MAP4: variants seen among roughly 807,000 people sequenced by gnomAD.
MAP4 encodes the protein microtubule associated protein 4.
Under a neutral mutation model 170.2 loss-of-function variants are expected in MAP4, and 76 were observed. The ratio of observed to expected loss-of-function variants is 0.45; its 90% CI spans 0.37 to 0.54. The LOEUF is 0.54. Among genes scored for constraint, MAP4 ranks in the 20% least tolerant of loss-of-function variants. The pLI, the probability that MAP4 is intolerant of heterozygous loss-of-function variation, is 0.00. For missense variants in MAP4, 2,506 were observed against 2,748.0 expected, an observed-to-expected ratio of 0.91 and a Z score of 1.97; for synonymous variants, 909 against 994.5, an observed-to-expected ratio of 0.91 and a Z score of 1.62.
At chr3:47,865,726 G>A (rs1304585106) in intron 17 of MAP4, among the ~76,000 whole-genome samples, 3 of 152,150 alleles carry the variant, frequency 2.0e-5, no homozygotes, top group Non-Finnish European at 4.4e-5. Context: ...CAAAAGAAAC[G>A]GAGGCAAGAC....
intron 3 of MAP4, among the ~76,000 whole-genome samples, chr3:47,934,359 G>A (rs1349612243): frequency 6.6e-6 from 1 of 152,150 alleles, no homozygotes; most frequent in Non-Finnish European, 1.5e-5. Context: ...CTGGAATCCA[G>A]TGACTTGATC....
intron 9 of MAP4, among the ~76,000 whole-genome samples, chr3:47,903,598 A>T (rs2100031345): frequency 6.6e-6 from 1 of 152,186 alleles, no homozygotes; most frequent in African/African-American, 2.4e-5. Flanking sequence ...GTATTGCATT[A>T]ATCTTCCCTG....
chr3:47,933,601 CTT>C (rs1306889632), intron 3 of MAP4, among the ~76,000 whole-genome samples: 16 of 129,562 alleles, frequency 1.2e-4, no homozygotes, highest in Non-Finnish European at 9.6e-5. Flanking sequence ...TCCTGCCCAG[CTT>C]TTTTTTTTTT....
chr3:48,005,285 C>T lies in MAP4; in HGVS notation c.-19-6406G>A, dbSNP rs557068472. On this transcript the variant is annotated intron_variant, in intron 1 of 20. Transcript: ENST00000683076. Reference sequence around the variant, plus strand: ...CTGAGGCAGGAGAATTGCATGAACCCGGGAGGCGGAGGTTGCAGTGAGCTG... The same window carrying T: ...CTGAGGCAGGAGAATTGCATGAACCTGGGAGGCGGAGGTTGCAGTGAGCTG... 5.3e-5 allele frequency among the ~76,000 whole-genome samples: 8 copies of T among 151,968 alleles called. No homozygotes were observed. The East Asian group carries it at 5.8e-4, about 11-fold the overall frequency.
intron 5 of MAP4, 91 bp from the exon 6 acceptor site, chr3:47,918,932 G>GT (rs2100041203): frequency 9.4e-6 from 11 of 1,173,744 alleles, no homozygotes; most frequent in African/African-American, 4.7e-5. Flanking sequence ...GTTTTGTTTT[G>GT]TTTGTTTTTT....
chr3:48,072,312 C>A (rs2100141412), intron 1 of MAP4, among the ~76,000 whole-genome samples: 1 of 152,094 alleles, frequency 6.6e-6, no homozygotes, highest in Non-Finnish European at 1.5e-5. Flanking sequence ...ATTCACAAGA[C>A]CAGCCTGGCC....
chr3:47,887,631 G>A (rs1199461688), intron 10 of MAP4, among the ~76,000 whole-genome samples: 1 of 152,254 alleles, frequency 6.6e-6, no homozygotes, highest in Non-Finnish European at 1.5e-5. Flanking sequence ...TCCACCTGCA[G>A]CCCCAGTGCG....
chr3:48,081,323 A>C (rs1449581778), intron 1 of MAP4, among the ~76,000 whole-genome samples: 1 of 151,746 alleles, frequency 6.6e-6, no homozygotes, highest in African/African-American at 2.4e-5. Context: ...TAAATAAATA[A>C]ATAAATAATA....
Position 47,998,721 on chromosome 3 carries a change from T to C in MAP4, c.140A>G (p.Tyr47Cys), listed in dbSNP as rs1388250260. ...CTCATCAACATCCAGGAGAGGAATA[T>C]AGTCTGTTTTTCCAACAGTTTCTCC... is the stretch of plus-strand genomic sequence containing the variant. ...VVGETVGKTD[Y>C]IPLLDVDEKT... The change falls in exon 2 of 21, where the codon TAT becomes TGT. Residue 47 changes from tyrosine (Y) to cysteine (C), a missense_variant. By Grantham distance (194) the Tyr-to-Cys change is radical. Around this residue, in one of 3 missense-constraint regions of MAP4, gnomAD observed 2,008 missense variants for 2,206.0 expected, o/e 0.91. Coordinates refer to ENST00000683076, the MANE Select transcript of MAP4 (RefSeq NM_001385682.1). The C allele has an allele frequency of 1.9e-6, 3 of 1,614,026 alleles. No homozygotes were observed. The highest frequency in any genetic ancestry group is 2.5e-6 in the Non-Finnish European group (3 of 1,180,006).
In MAP4 at chr3:48,056,813, G is replaced by A. The variant is rs1182764917; in HGVS notation, c.-20+31960C>T. On this transcript the variant is annotated intron_variant, in intron 1 of 18. Coordinates refer to the MAP4 transcript ENST00000360240. ...AGGTGGGGGGGTCAGCCCCCCGCCC[G>A]GCCAGCCGACCCGTCCGGGAGGGAG... Among the ~76,000 whole-genome samples the A allele has an allele frequency of 1.7e-4, 15 of 86,784 alleles. No homozygotes were observed. In the East Asian group the frequency reaches 5.1e-3, roughly 30 times the overall value. 56.9% of individuals were successfully genotyped at this position (86,784 alleles called of 152,430 possible).
intron 3 of MAP4, among the ~76,000 whole-genome samples, chr3:47,938,223 T>C (rs1353659886): frequency 6.6e-6 from 1 of 151,756 alleles, no homozygotes; most frequent in Admixed American, 6.6e-5. Flanking sequence ...AATACAAAAA[T>C]TAGCCACGCA....
intron 10 of MAP4, among the ~76,000 whole-genome samples, chr3:47,883,000 G>A (rs2097016541): frequency 6.6e-6 from 1 of 152,042 alleles, no homozygotes; most frequent in South Asian, 2.1e-4. Context: ...TAGTAGAGAT[G>A]GGGTTTCGTC....
intron 1 of MAP4, among the ~76,000 whole-genome samples, chr3:48,074,815 C>T (rs2100143044): frequency 6.6e-6 from 1 of 151,126 alleles, no homozygotes; most frequent in Non-Finnish European, 1.5e-5. Context: ...AGGTGTCAGC[C>T]ACCACCACAC....
chr3:47,881,923 T>C (rs2096834668), intron 10 of MAP4, among the ~76,000 whole-genome samples: 1 of 152,150 alleles, frequency 6.6e-6, no homozygotes, highest in Non-Finnish European at 1.5e-5. Flanking sequence ...TTTTTAAAAA[T>C]AATATACTCT....
At chr3:48,074,471 A>T (rs1255416870) in intron 1 of MAP4, among the ~76,000 whole-genome samples, 1 of 151,180 alleles carries the variant, frequency 6.6e-6, no homozygotes, top group Non-Finnish European at 1.5e-5. Context: ...TAAAAGAAAA[A>T]AAAACTACAA....
intron 3 of MAP4, among the ~76,000 whole-genome samples, chr3:47,976,173 G>A (rs972762716): frequency 6.6e-6 from 1 of 152,180 alleles, no homozygotes; most frequent in East Asian, 1.9e-4. Flanking sequence ...AGGGCAGAGA[G>A]GTATCCAAGA....
chr3:47,876,676 T>C (rs746549791), intron 11 of MAP4, among the ~76,000 whole-genome samples: 5 of 152,204 alleles, frequency 3.3e-5, no homozygotes, highest in Non-Finnish European at 7.3e-5. Flanking sequence ...AGCCACAGCC[T>C]ACAGTGTGGC....
At chr3:48,034,038 T>A (rs1467003234) in intron 1 of MAP4, among the ~76,000 whole-genome samples, 1 of 152,156 alleles carries the variant, frequency 6.6e-6, no homozygotes. Flanking sequence ...ATCATTCTAA[T>A]CTCTTTCTAC....
Position 47,912,025 on chromosome 3 carries a change from C to T in MAP4, c.2396G>A (p.Gly799Asp). ...SDDDNADKPK[G>D]HPFAADTQKS... ...TTGTGTGTCAGCTGCAAATGGATGA[C>T]CTTTAGGCTTATCTGCATTGTCATC... The change falls in exon 9 of 21, where the codon GGT becomes GAT. Residue 799 changes from glycine (G) to aspartate (D), a missense_variant. Coordinates refer to ENST00000683076, the MANE Select transcript of MAP4 (RefSeq NM_001385682.1). The T allele has an allele frequency of 6.5e-7, 1 of 1,536,050 alleles. No homozygotes were observed. The highest frequency in any genetic ancestry group is 8.7e-7 in the Non-Finnish European group (1 of 1,146,914).
Sources: gnomAD v4.1 joint callset for allele counts (sites outside exome capture counted in the v4.1 genomes callset) on GRCh38, gnomAD v4.1.1 for gene constraint, gnomAD v4.1.1 regional missense constraint, MANE v1.5 for transcripts, NCBI Gene and HGNC (gene_info 2026-07-23, HGNC 2026-07-21) for gene names.